ZFR2: variants seen among roughly 807,000 people sequenced by gnomAD.
ZFR2 encodes the protein zinc finger RNA-binding protein 2.
A neutral mutation model predicts 105.7 loss-of-function variants in ZFR2; 104 were observed. That is an observed-to-expected ratio of 0.98 (90% confidence interval 0.84 to 1.16). The LOEUF is 1.16. ZFR2 is among the 50% of genes most tolerant of loss of function. ZFR2 has a pLI of 0.00. For missense variants in ZFR2, 1,425 were observed against 1,355.5 expected, an observed-to-expected ratio of 1.05 and a Z score of -0.80; for synonymous variants, 634 against 597.7, an observed-to-expected ratio of 1.06 and a Z score of -0.89.
intron 18 of ZFR2, among the ~76,000 whole-genome samples, chr19:3,806,913 G>A (rs558726944): frequency 4.6e-5 from 7 of 152,336 alleles, no homozygotes; most frequent in Non-Finnish European, 7.3e-5. Context: ...GGGGGAGGAC[G>A]GTCCCTGCCA....
At position 3,831,772 on chromosome 19, in the gene ZFR2, C is replaced by T; in HGVS notation, c.486G>A (p.Leu162=). ...IVESGQPAST[L]SSGYTYPTAT... Reference sequence around the variant, plus strand: ...CCGTGGGGTAGGTGTATCCCGAGGACAAGGTGCTCGCTGGCTGTCCGGACT... The same window carrying T: ...CCGTGGGGTAGGTGTATCCCGAGGATAAGGTGCTCGCTGGCTGTCCGGACT... Residue 162 remains leucine (L), a synonymous_variant, in exon 4 of 19, where the codon TTG becomes TTA. Transcript: ENST00000262961. 6.2e-7 allele frequency: 1 copy of T among 1,610,396 alleles called. No individual in the cohort carries two copies. Among genetic ancestry groups the T allele is most frequent in the Non-Finnish European group, 8.5e-7 (1 of 1,179,190 alleles).
intron 6 of ZFR2, 87 bp downstream of exon 6, chr19:3,827,384 T>A: frequency 1.4e-6 from 2 of 1,383,916 alleles, no homozygotes; most frequent in African/African-American, 1.5e-5. Context: ...CTCCCTCTGA[T>A]CTCCCCAGGT....
chr19:3,850,765 C>A (rs1442041979), intron 1 of ZFR2, among the ~76,000 whole-genome samples: 3 of 151,532 alleles, frequency 2.0e-5, no homozygotes, highest in Admixed American at 6.6e-5. Context: ...CAAACACACA[C>A]AAAAAAACCA....
intron 1 of ZFR2, among the ~76,000 whole-genome samples, chr19:3,854,272 AT>A (rs2038273138): frequency 1.3e-5 from 2 of 151,954 alleles, no homozygotes; most frequent in Non-Finnish European, 2.9e-5. Flanking sequence ...GGCTTGTATA[AT>A]CCCCAGCTAC....
chr19:3,819,018 G>A (rs1482538641), intron 12 of ZFR2, 27 bp downstream of exon 12: 2 of 1,606,096 alleles, frequency 1.2e-6, no homozygotes. Context: ...TGAGAGCCGG[G>A]CCCTGGGGAA....
At chr19:3,840,008 T>C (rs1383865024) in intron 1 of ZFR2, among the ~76,000 whole-genome samples, 1 of 152,064 alleles carries the variant, frequency 6.6e-6, no homozygotes, top group Non-Finnish European at 1.5e-5. Flanking sequence ...GTGTGCAAAA[T>C]GATGTTCTTA....
chr19:3,863,260 C>A (rs988074224), intron 1 of ZFR2, among the ~76,000 whole-genome samples: 2 of 152,180 alleles, frequency 1.3e-5, no homozygotes, highest in African/African-American at 4.8e-5. Context: ...GTCACTGGCA[C>A]TGGGGCTGCC....
At chr19:3,816,243 C>CT (rs58609703) in intron 13 of ZFR2, among the ~76,000 whole-genome samples, 47,662 of 115,048 alleles carry the variant, frequency 0.41, 10,704 homozygotes, top group African/African-American at 0.49. Context: ...CTTCTTGTAT[C>CT]TTTTTTTTTT....
Position 3,804,734 on chromosome 19 carries a change from G to C in ZFR2, c.*1215C>G, listed in dbSNP as rs1346882328. On this transcript the variant is annotated 3_prime_UTR_variant, in exon 19 of 19. Transcript: ENST00000262961. ...TGGGTGGGGGGTCTGTTTGGAGCAG[G>C]CTGGGCTGGGGGCGTGGGGATGCCG... 6.5e-6 allele frequency: 1 copy of C among 152,948 alleles called. No homozygotes were observed. The highest frequency in any genetic ancestry group is 1.5e-5 in the Non-Finnish European group (1 of 68,710). The allele number at this position is 152,948 out of a possible 1,614,324, so 9.5% of individuals were successfully genotyped here. A position where few individuals can be genotyped will look rare whatever the true frequency, so the allele number is the denominator to read the frequency against.
In ZFR2 at chr19:3,806,053, G is replaced by A. The variant is rs759269684; in HGVS notation, c.2716C>T (p.Arg906Trp). 30 of 1,535,510 alleles carry A rather than the reference G, an allele frequency of 2.0e-5. No homozygotes were observed. The East Asian group carries it at 2.8e-4, about 14-fold the overall frequency. Residue 906 changes from arginine (R) to tryptophan (W), a missense_variant, in exon 19 of 19, where the codon CGG becomes TGG. Transcript: ENST00000262961. ...CTCTTCCGGAAGCGGGCCCCCAGCC[G>A]GTGTCTGGGCGGCAGGAGATCCATG... ...LGMDLLPPRH[R>W]LGARFRKRQR...
rs796809101 is a variant in ZFR2, at chr19:3,813,767, G to A, written c.2242+53C>T. On this transcript the variant is annotated intron_variant, in intron 14 of 18. Coordinates refer to ENST00000262961, the MANE Select transcript of ZFR2 (RefSeq NM_015174.2). This position sits in a 1 kb window ranked among gnomAD's most constrained non-coding sequence, Gnocchi z 4.4. ...TGCCCCAGGCCTGGGTGTGGGGAGCGCCCTGGGGAAGCGTGAGGGGGACAG... is the reference window on the plus strand; with the variant it reads ...TGCCCCAGGCCTGGGTGTGGGGAGCACCCTGGGGAAGCGTGAGGGGGACAG... 45 of 1,602,800 alleles carry A rather than the reference G, an allele frequency of 2.8e-5. No homozygotes were observed. Among genetic ancestry groups the A allele is most frequent in the African/African-American group, 1.3e-4 (10 of 74,870 alleles).
At chr19:3,818,921 CT>C in intron 12 of ZFR2, 123 bp downstream of exon 12, 2 of 1,258,148 alleles carry the variant, frequency 1.6e-6, no homozygotes, top group Non-Finnish European at 2.1e-6. Flanking sequence ...GGCTGGAAAG[CT>C]GCCGCGGGCC....
chr19:3,812,535 A>G (rs1599221010), intron 14 of ZFR2, among the ~76,000 whole-genome samples: 1 of 151,838 alleles, frequency 6.6e-6, no homozygotes, highest in African/African-American at 2.4e-5. Context: ...ATTTCCGCTC[A>G]CTTCATCACC....
At position 3,816,654 on chromosome 19, in the gene ZFR2, G is replaced by T; in HGVS notation, c.2103+20C>A. 2 of 1,587,148 alleles carry T rather than the reference G, an allele frequency of 1.3e-6. No homozygotes were observed. On this transcript the variant is annotated intron_variant, in intron 13 of 18. Coordinates refer to ENST00000262961, the MANE Select transcript of ZFR2 (RefSeq NM_015174.2). ...GCAGCCAGACGCCAGAAGCAGCGATGAGCAGGGCCCTGACCTTACCTGGAG... is the reference window on the plus strand; with the variant it reads ...GCAGCCAGACGCCAGAAGCAGCGATTAGCAGGGCCCTGACCTTACCTGGAG...
rs373684618 is a variant in ZFR2 at position 3,808,852 on chromosome 19, C to T, written c.2545+20G>A. 6.5e-7 allele frequency: 1 copy of T among 1,532,918 alleles called. No homozygotes were observed. The highest frequency in any genetic ancestry group is 2.5e-5 in the East Asian group (1 of 40,668). The allele number at this position is 1,532,918 out of a possible 1,614,324, so 95.0% of individuals were successfully genotyped here. On this transcript the variant is annotated intron_variant, in intron 17 of 18. Transcript: ENST00000262961. ...GCGATTTGCCGCCCACCTCCTGGGCCCTCCGGCCCAGCGACTGACCTGTCA... is the reference window on the plus strand; with the variant it reads ...GCGATTTGCCGCCCACCTCCTGGGCTCTCCGGCCCAGCGACTGACCTGTCA...
chr19:3,863,182 C>T (rs1018004820), intron 1 of ZFR2, among the ~76,000 whole-genome samples: 1 of 152,186 alleles, frequency 6.6e-6, no homozygotes, highest in African/African-American at 2.4e-5. Flanking sequence ...ATGACCAGGT[C>T]GGTTCTGAAG....
chr19:3,840,843 T>C (rs1353738208), intron 1 of ZFR2, among the ~76,000 whole-genome samples: 1 of 152,200 alleles, frequency 6.6e-6, no homozygotes, highest in Non-Finnish European at 1.5e-5. Context: ...AAATATGGCT[T>C]GTGCAGCTGA....
At chr19:3,863,989 G>A (rs772680968) in intron 1 of ZFR2, among the ~76,000 whole-genome samples, 1 of 152,202 alleles carries the variant, frequency 6.6e-6, no homozygotes. Context: ...AACCAGCAAC[G>A]AGCATCCTGC....
intron 1 of ZFR2, among the ~76,000 whole-genome samples, chr19:3,844,010 AT>A (rs796433829): frequency 6.1e-3 from 7 of 1,144 alleles, no homozygotes; most frequent in African/African-American, 0.026. Context: ...AGAAAGTAGG[AT>A]GTGGGGGGGG....
Sources: allele counts gnomAD v4.1 joint callset (sites outside exome capture counted in the v4.1 genomes callset), GRCh38; gene constraint gnomAD v4.1.1; non-coding constraint Gnocchi (gnomAD v3.1); transcripts MANE v1.5; gene names NCBI Gene and HGNC (gene_info 2026-07-23, HGNC 2026-07-21).